Variants in PRKAR2B observed in about 807,000 individuals in gnomAD.
PRKAR2B encodes protein kinase cAMP-dependent type II regulatory subunit beta.
Under a neutral mutation model 49.9 loss-of-function variants are expected in PRKAR2B, and 14 were observed. That is an observed-to-expected ratio of 0.28 (90% CI 0.19 to 0.44). The LOEUF (loss-of-function observed/expected upper bound fraction) is 0.44. PRKAR2B is among the 20% of genes least tolerant of loss of function. PRKAR2B has a pLI of 1.00. For missense variants in PRKAR2B, 393 were observed against 537.9 expected, an observed-to-expected ratio of 0.73 and a Z score of 2.67; for synonymous variants, 196 against 197.7, an observed-to-expected ratio of 0.99 and a Z score of 0.07.
chr7:107,142,056 T>C (rs1200635115), intron 5 of PRKAR2B, among the ~76,000 whole-genome samples: 1 of 152,174 alleles, frequency 6.6e-6, no homozygotes, highest in Non-Finnish European at 1.5e-5. Flanking sequence ...ATGAGACAAT[T>C]GGCATCCCTG....
At chr7:107,056,822 C>T (rs183583517) in intron 1 of PRKAR2B, among the ~76,000 whole-genome samples, 1 of 152,306 alleles carries the variant, frequency 6.6e-6, no homozygotes, top group Non-Finnish European at 1.5e-5. Context: ...ATCTTCAGTT[C>T]AGTCTCATAG....
chr7:107,066,443 T>C (rs1035256906), intron 1 of PRKAR2B: 2 of 152,186 alleles, frequency 1.3e-5, no homozygotes, highest in African/African-American at 4.8e-5. Context: ...TTAACATTTT[T>C]TGGGAATTTG....
Position 107,157,299 on chromosome 7 carries a change from C to T in PRKAR2B, c.1098C>T (p.His366=), listed in dbSNP as rs748387622. 1.9e-5 allele frequency: 30 copies of T among 1,614,098 alleles called. No individual in the cohort carries two copies. The highest frequency in any genetic ancestry group is 5.5e-5 in the South Asian group (5 of 91,076). The change falls in exon 10 of 11, where the codon CAC becomes CAT. Residue 366 remains histidine (H), a synonymous_variant. Transcript: ENST00000265717. ...ACAAACCTCGAGCAGCTTCTGCCCA[C>T]GCCATTGGGACTGTCAAATGTTTAG... The part of the protein sequence containing the change: ...VTNKPRAASA[H]AIGTVKCLAM...
intron 3 of PRKAR2B, among the ~76,000 whole-genome samples, chr7:107,127,230 G>A (rs898035370): frequency 1.3e-5 from 2 of 152,236 alleles, no homozygotes; most frequent in African/African-American, 4.8e-5. Context: ...AAGAGGCAAG[G>A]TACCTGCCCA....
At position 107,153,255 on chromosome 7, in the gene PRKAR2B, T is replaced by C. The variant is rs1435234497; in HGVS notation, c.918+4T>C. On this transcript the variant is annotated splice_donor_region_variant and intron_variant, in intron 8 of 10. Transcript: ENST00000265717. ...TGGAGAACAAATCATTGCTCAGGTA[T>C]GATATTTTGAAATGTAATTCAGTTT... 1 of 1,593,104 alleles carries C rather than the reference T, an allele frequency of 6.3e-7. No individual in the cohort carries two copies. Among genetic ancestry groups the C allele is most frequent in the Non-Finnish European group, 8.6e-7 (1 of 1,167,946 alleles).
intron 1 of PRKAR2B, among the ~76,000 whole-genome samples, chr7:107,065,568 C>G (rs996291251): frequency 5.3e-5 from 8 of 152,246 alleles, no homozygotes; most frequent in Non-Finnish European, 7.4e-5. Context: ...TAGCTACTTG[C>G]AGGGTGTAAG....
chr7:107,067,204 G>C (rs1794168057), intron 1 of PRKAR2B: 1 of 152,166 alleles, frequency 6.6e-6, no homozygotes. Flanking sequence ...TTTCCAGCAA[G>C]GCCTCCACCC....
At chr7:107,081,235 G>T (rs1048793234) in intron 2 of PRKAR2B, among the ~76,000 whole-genome samples, 2 of 152,174 alleles carry the variant, frequency 1.3e-5, no homozygotes, top group African/African-American at 4.8e-5. Context: ...GGAGAGCAAA[G>T]ATTTCTCTGA....
chr7:107,070,307 C>T lies in PRKAR2B; in HGVS notation c.334C>T (p.Arg112Cys). 2 of 1,605,312 alleles carry T rather than the reference C, an allele frequency of 1.2e-6. No homozygotes were observed. Among genetic ancestry groups the T allele is most frequent in the East Asian group, 2.2e-5 (1 of 44,640 alleles). The change falls in exon 2 of 11, where the codon CGT becomes TGT. Residue 112 changes from arginine to cysteine, a missense_variant. Arg to Cys is a radical substitution (Grantham distance 180). Around this residue, in one of 2 missense-constraint regions of PRKAR2B, gnomAD observed 233 missense variants for 390.4 expected, o/e 0.60. Transcript: ENST00000265717. ...NAPVINRFTR[R>C]ASVCAEAYNP... The stretch of plus-strand genomic sequence containing the variant: ...TCCAGTAATAAACCGATTCACAAGG[C>T]GTGCCTCAGGTAAGTCTGATTATAT...
At position 107,115,266 on chromosome 7, in the gene PRKAR2B, G is replaced by C. The variant is rs187354885; in HGVS notation, c.344-6686G>C. Among the ~76,000 whole-genome samples, 73 of 152,132 alleles carry C rather than the reference G, an allele frequency of 4.8e-4. No homozygotes were observed. The East Asian group carries it at 0.01, about 21-fold the overall frequency. On this transcript the variant is annotated intron_variant, in intron 2 of 10. Coordinates refer to ENST00000265717, the MANE Select transcript of PRKAR2B (RefSeq NM_002736.3). Reference sequence around the variant, plus strand: ...GTTTCTGTTATTTCATCAAGACAGGGTTATACAGTTAAGTATCTTGGCTAA... The same window carrying C: ...GTTTCTGTTATTTCATCAAGACAGGCTTATACAGTTAAGTATCTTGGCTAA...
At chr7:107,051,975 A>G (rs1434073785) in intron 1 of PRKAR2B, among the ~76,000 whole-genome samples, 1 of 152,232 alleles carries the variant, frequency 6.6e-6, no homozygotes, top group African/African-American at 2.4e-5. Flanking sequence ...TTTGGGGGGT[A>G]AAAAGAGAAG....
chr7:107,102,450 C>A (rs373565467), intron 2 of PRKAR2B, among the ~76,000 whole-genome samples: 5 of 152,090 alleles, frequency 3.3e-5, no homozygotes, highest in Non-Finnish European at 7.4e-5. Flanking sequence ...GTGGGATGGC[C>A]CTGCTCTGTC....
chr7:107,125,630 G>T (rs1795467374), intron 3 of PRKAR2B, among the ~76,000 whole-genome samples: 1 of 152,162 alleles, frequency 6.6e-6, no homozygotes, highest in African/African-American at 2.4e-5. Flanking sequence ...CCGCTTTCTG[G>T]CTGTTTACTT....
intron 2 of PRKAR2B, among the ~76,000 whole-genome samples, chr7:107,092,488 G>A (rs1170072864): frequency 1.6e-4 from 24 of 151,948 alleles, no homozygotes; most frequent in Non-Finnish European, 2.9e-5. Context: ...AGTGTGTGTG[G>A]ACTAAGAGGA....
intron 1 of PRKAR2B, among the ~76,000 whole-genome samples, chr7:107,046,154 C>T (rs1449223312): frequency 6.6e-6 from 1 of 152,234 alleles, no homozygotes; most frequent in Non-Finnish European, 1.5e-5. Flanking sequence ...CACACCCAGA[C>T]ACACACCCTC....
At chr7:107,144,970 GT>G (rs1054820964) in intron 5 of PRKAR2B, among the ~76,000 whole-genome samples, 2 of 151,990 alleles carry the variant, frequency 1.3e-5, no homozygotes, top group African/African-American at 4.8e-5. Context: ...AAAGAATGCA[GT>G]TTACGTGAAT....
At chr7:107,094,473 T>G (rs1238406135) in intron 2 of PRKAR2B, among the ~76,000 whole-genome samples, 2 of 152,212 alleles carry the variant, frequency 1.3e-5, no homozygotes, top group Admixed American at 1.3e-4. Flanking sequence ...TTCACTCTGA[T>G]GGTAGTTTCT....
At chr7:107,149,507 G>A (rs772634224) in intron 6 of PRKAR2B, among the ~76,000 whole-genome samples, 2 of 151,978 alleles carry the variant, frequency 1.3e-5, no homozygotes, top group Non-Finnish European at 2.9e-5. Context: ...GTTCTCACAT[G>A]GTGGAAGGGG....
Position 107,052,886 on chromosome 7 carries a change from A to G in PRKAR2B, c.307+7672A>G, listed in dbSNP as rs548200240. Among the ~76,000 whole-genome samples, 10 of 152,322 alleles carry G rather than the reference A, an allele frequency of 6.6e-5. No individual in the cohort carries two copies. In the South Asian group the frequency reaches 1.7e-3, roughly 25 times the overall value. ...TGCTCTGTTGCCCAGGCTGGAGTGC[A>G]GTGGTGCCATCTTGGCTCACTGCAG... On this transcript the variant is annotated intron_variant, in intron 1 of 10. Transcript: ENST00000265717.
Sources: allele counts gnomAD v4.1 joint callset (sites outside exome capture counted in the v4.1 genomes callset), GRCh38; gene constraint gnomAD v4.1.1; regional missense constraint gnomAD v4.1.1; transcripts MANE v1.5; gene names NCBI Gene and HGNC (gene_info 2026-07-23, HGNC 2026-07-21).